VPS33A: variants seen among roughly 807,000 people sequenced by gnomAD.
VPS33A encodes VPS33A core subunit of CORVET and HOPS complexes.
In VPS33A, 32 loss-of-function variants were observed where a neutral mutation model predicts 71.8. That is an observed-to-expected ratio of 0.45 (90% CI 0.34 to 0.60). VPS33A has a LOEUF of 0.60. VPS33A is among the 20% of genes least tolerant of loss of function. The pLI, the probability that VPS33A is intolerant of heterozygous loss-of-function variation, is 0.02. For synonymous variants in VPS33A, 311 were observed against 292.7 expected (o/e 1.06, Z -0.64); for missense variants, 625 against 748.5 (o/e 0.84, Z 1.92).
At chr12:122,260,197 A>G (rs994765820) in intron 4 of VPS33A, among the ~76,000 whole-genome samples, 1 of 152,114 alleles carries the variant, frequency 6.6e-6, no homozygotes, top group East Asian at 1.9e-4. Context: ...CCATACTTAG[A>G]GAGTGGAGAT....
At chr12:122,254,869 G>A (rs947668682) in intron 4 of VPS33A, among the ~76,000 whole-genome samples, 1 of 151,996 alleles carries the variant, frequency 6.6e-6, no homozygotes, top group African/African-American at 2.4e-5. Flanking sequence ...TGGGCCACAT[G>A]GTGAAACCCT....
chr12:122,251,570 C>T (rs1331103636), intron 4 of VPS33A, among the ~76,000 whole-genome samples: 1 of 152,178 alleles, frequency 6.6e-6, no homozygotes, highest in South Asian at 2.1e-4. Flanking sequence ...TTCATGACAA[C>T]TGACAACTGA....
intron 3 of VPS33A, among the ~76,000 whole-genome samples, chr12:122,263,216 C>A (rs550148744): frequency 1.3e-5 from 2 of 152,172 alleles, no homozygotes; most frequent in East Asian, 3.9e-4. Context: ...TGGTCTCGAA[C>A]CCCTGACCTC....
intron 9 of VPS33A, 33 bp downstream of exon 9, chr12:122,239,845 T>A (rs959862155): frequency 2.0e-6 from 3 of 1,529,372 alleles, no homozygotes; most frequent in Non-Finnish European, 2.7e-6. Flanking sequence ...AAGCTTTCAA[T>A]TACTTGTTAA....
At chr12:122,263,488 A>T in intron 3 of VPS33A, 84 bp downstream of exon 3, 1 of 1,455,274 alleles carries the variant, frequency 6.9e-7, no homozygotes, top group Non-Finnish European at 9.2e-7. Flanking sequence ...GGCAAGAGTG[A>T]GGGTCTTCCA....
intron 7 of VPS33A, among the ~76,000 whole-genome samples, chr12:122,244,026 T>C (rs1036163665): frequency 2.0e-5 from 3 of 152,178 alleles, no homozygotes; most frequent in African/African-American, 7.2e-5. Flanking sequence ...TGAATTCCCA[T>C]GTTTCAAAAA....
chr12:122,236,732 T>C (rs893072452), intron 10 of VPS33A, among the ~76,000 whole-genome samples: 1 of 152,252 alleles, frequency 6.6e-6, no homozygotes, highest in African/African-American at 2.4e-5. Context: ...ATTAACTCAG[T>C]CATCCCGGCT....
chr12:122,233,190 G>A (rs1038020136), intron 11 of VPS33A, among the ~76,000 whole-genome samples: 2 of 151,706 alleles, frequency 1.3e-5, no homozygotes, highest in Non-Finnish European at 2.9e-5. Flanking sequence ...AGCAGCTCTA[G>A]GTACAGAAGA....
intron 6 of VPS33A, among the ~76,000 whole-genome samples, chr12:122,246,471 T>C (rs1954778115): frequency 6.6e-6 from 1 of 151,520 alleles, no homozygotes; most frequent in Non-Finnish European, 1.5e-5. Flanking sequence ...GACTAATTTT[T>C]GTACTTTTAG....
chr12:122,235,325 C>A (rs1044912812), intron 11 of VPS33A, among the ~76,000 whole-genome samples: 1 of 150,012 alleles, frequency 6.7e-6, no homozygotes, highest in Non-Finnish European at 1.5e-5. Context: ...AGTGCAATGG[C>A]ATGATCTGAG....
In VPS33A at chr12:122,229,821, G is replaced by C. The variant is rs183993057; in HGVS notation, c.*2425C>G. On this transcript the variant is annotated 3_prime_UTR_variant, in exon 13 of 13. Transcript: ENST00000267199. The stretch of plus-strand genomic sequence containing the variant: ...CAAATGAAGCAATTGAAGTTTTTCA[G>C]TCTTCTGCTGAATGCATTTTTAGGA... 2.0e-5 allele frequency: 3 copies of C among 152,322 alleles called. No individual in the cohort carries two copies. The East Asian group carries it at 5.8e-4, about 29-fold the overall frequency. 9.4% of individuals were successfully genotyped at this position (152,322 alleles called of 1,614,324 possible).
At chr12:122,237,887 C>G (rs1453735428) in intron 10 of VPS33A, among the ~76,000 whole-genome samples, 11 of 151,904 alleles carry the variant, frequency 7.2e-5, no homozygotes, top group Admixed American at 7.2e-4. Context: ...TGGGCTCAAG[C>G]AATCCTCCTA....
chr12:122,238,219 A>T (rs1418565682), intron 10 of VPS33A, among the ~76,000 whole-genome samples: 3 of 151,882 alleles, frequency 2.0e-5, no homozygotes, highest in Non-Finnish European at 2.9e-5. Flanking sequence ...TTAATTTTAA[A>T]TTTTTTATTA....
intron 9 of VPS33A, among the ~76,000 whole-genome samples, chr12:122,239,552 G>A (rs1038789806): frequency 2.0e-5 from 3 of 151,974 alleles, no homozygotes; most frequent in Admixed American, 6.6e-5. Context: ...GGCTAACATG[G>A]TGAAACCCCG....
chr12:122,245,423 C>G (rs1402917022), intron 6 of VPS33A, among the ~76,000 whole-genome samples: 4 of 151,732 alleles, frequency 2.6e-5, no homozygotes, highest in Non-Finnish European at 5.9e-5. Context: ...GGTCTGAGGA[C>G]CAAACTCTGT....
intron 5 of VPS33A, 49 bp downstream of exon 5, chr12:122,250,934 T>C: frequency 7.3e-7 from 1 of 1,364,048 alleles, no homozygotes; most frequent in East Asian, 2.3e-5. Context: ...TCCTCCCTTT[T>C]GGGGTGTGAA....
At chr12:122,239,511 G>A (rs150676100) in intron 9 of VPS33A, among the ~76,000 whole-genome samples, 16 of 152,210 alleles carry the variant, frequency 1.1e-4, no homozygotes, top group East Asian at 7.7e-4. Context: ...CAAGGTGGGC[G>A]GATCACAAGG....
intron 4 of VPS33A, among the ~76,000 whole-genome samples, chr12:122,259,161 A>T (rs1002696799): frequency 6.8e-6 from 1 of 147,988 alleles, no homozygotes. Flanking sequence ...TTCTACTCCT[A>T]GGGGTGTGTG....
chr12:122,235,924 C>A lies in VPS33A; in HGVS notation c.1303-1G>T. On this transcript the variant is annotated splice_acceptor_variant, in intron 10 of 12. Coordinates refer to ENST00000267199, the MANE Select transcript of VPS33A (RefSeq NM_022916.6). LOFTEE classifies it high-confidence loss of function. ...TCAATATGTGCTCATAGCCGTATGTCTGCAAGGGAAGTCATTTGGCCTTGA... is the reference window on the plus strand; with the variant it reads ...TCAATATGTGCTCATAGCCGTATGTATGCAAGGGAAGTCATTTGGCCTTGA... 1 of 1,597,354 alleles carries A rather than the reference C, an allele frequency of 6.3e-7. No homozygotes were observed. Among genetic ancestry groups the A allele is most frequent in the Admixed American group, 1.8e-5 (1 of 55,970 alleles).
Sources: gnomAD v4.1 joint callset for allele counts (sites outside exome capture counted in the v4.1 genomes callset) on GRCh38, gnomAD v4.1.1 for gene constraint, MANE v1.5 for transcripts, NCBI Gene and HGNC (gene_info 2026-07-23, HGNC 2026-07-21) for gene names.